Variants in NHS observed in about 807,000 individuals in gnomAD.
NHS encodes actin remodeling regulator NHS.
NHS carries 5 observed loss-of-function variants against 72.5 expected under a neutral mutation model. That is an observed-to-expected ratio of 0.07 (90% CI 0.04 to 0.14). NHS has a LOEUF of 0.14. Among genes scored for constraint, NHS ranks in the 10% least tolerant of loss-of-function variants. NHS has a pLI of 1.00. For synonymous variants in NHS, 464 were observed against 547.7 expected (o/e 0.85, Z 2.13); for missense variants, 1,072 against 1,355.7 (o/e 0.79, Z 3.29).
At chrX:17,545,816 A>T (rs2065290310) in intron 1 of NHS, among the ~76,000 whole-genome samples, 2 of 112,146 alleles carry the variant, frequency 1.8e-5, no homozygotes, top group Admixed American at 1.9e-4. Flanking sequence ...GGAGGAGTGC[A>T]CAAGGTGCTG....
At chrX:17,396,297 ATATT>A (rs1042104135) in intron 1 of NHS, among the ~76,000 whole-genome samples, 3 of 110,991 alleles carry the variant, frequency 2.7e-5, no homozygotes, top group African/African-American at 6.7e-5. Context: ...ACGTTCTGAT[ATATT>A]TATTTATTTA....
intron 1 of NHS, among the ~76,000 whole-genome samples, chrX:17,654,191 T>G (rs1252051994): frequency 8.9e-6 from 1 of 112,163 alleles, no homozygotes; most frequent in East Asian, 2.8e-4. Flanking sequence ...CTTCCCCCCT[T>G]CCATCCTGGT....
rs1362563829 is a variant in NHS, at chrX:17,375,720, T to C, written c.-38T>C. The C allele has an allele frequency of 1.7e-5, 20 of 1,148,428 alleles. No homozygotes were observed. The highest frequency in any genetic ancestry group is 2.3e-5 in the Non-Finnish European group (20 of 868,963). The allele number at this position is 1,148,428 out of a possible 1,213,427, so 94.6% of individuals were successfully genotyped here. A position where few individuals can be genotyped will look rare whatever the true frequency, so the allele number is the denominator to read the frequency against. On this transcript the variant is annotated 5_prime_UTR_variant, in exon 1 of 9. Transcript: ENST00000676302. Reference sequence around the variant, plus strand: ...CCCGGTCTCCAGCTCACAGGGGCGCTTGGAGGAGACCAGAAAGTCGCCGCC... The same window carrying C: ...CCCGGTCTCCAGCTCACAGGGGCGCCTGGAGGAGACCAGAAAGTCGCCGCC...
chrX:17,375,880 G>A lies in NHS; in HGVS notation c.123G>A (p.Pro41=), dbSNP rs1283060397. ...SAEPPPPLQP[P]GRRDLDEVEA... The stretch of plus-strand genomic sequence containing the variant: ...AGCCGCCGCCGCCCTTGCAGCCGCC[G>A]GGCCGGAGGGACCTGGACGAGGTCG... The change falls in exon 1 of 9, where the codon CCG becomes CCA. Residue 41 remains proline (P), a synonymous_variant. Coordinates refer to ENST00000676302, the MANE Select transcript of NHS (RefSeq NM_001291867.2). 1.8e-6 allele frequency: 2 copies of A among 1,108,639 alleles called. No individual in the cohort carries two copies. The highest frequency in any genetic ancestry group is 3.1e-5 in the Admixed American group (1 of 32,027). The allele number at this position is 1,108,639 out of a possible 1,213,427, so 91.4% of individuals were successfully genotyped here. A position where few individuals can be genotyped will look rare whatever the true frequency, so the allele number is the denominator to read the frequency against.
intron 3 of NHS, among the ~76,000 whole-genome samples, chrX:17,701,083 A>G (rs755569029): frequency 8.9e-6 from 1 of 112,284 alleles, no homozygotes; most frequent in East Asian, 2.8e-4. Context: ...TATTCAGTAC[A>G]GTAACATGCC....
In NHS at chrX:17,437,334, T is replaced by A. The variant is rs2064728769; in HGVS notation, c.565+61012T>A. Among the ~76,000 whole-genome samples, 3 of 111,911 alleles carry A rather than the reference T, an allele frequency of 2.7e-5. No homozygotes were observed. In the Admixed American group the frequency reaches 2.8e-4, roughly 11 times the overall value. On this transcript the variant is annotated intron_variant, in intron 1 of 8. Coordinates refer to ENST00000676302, the MANE Select transcript of NHS (RefSeq NM_001291867.2). Reference sequence around the variant, plus strand: ...TAGTCCAAAAGCACCAGGAAAACCTTTCATTGTTTAGAAGAATTAGACGCC... The same window carrying A: ...TAGTCCAAAAGCACCAGGAAAACCTATCATTGTTTAGAAGAATTAGACGCC...
At chrX:17,564,808 T>A (rs1437994007) in intron 1 of NHS, among the ~76,000 whole-genome samples, 1 of 111,414 alleles carries the variant, frequency 9.0e-6, no homozygotes, top group Non-Finnish European at 1.9e-5. Context: ...TCCCCCAAAT[T>A]GTGAATGTGG....
At chrX:17,506,407 G>A (rs1013748932) in intron 1 of NHS, among the ~76,000 whole-genome samples, 1 of 109,993 alleles carries the variant, frequency 9.1e-6, no homozygotes, top group Non-Finnish European at 1.9e-5. Flanking sequence ...GTGGGCTCCT[G>A]TAATCCCAGC....
At chrX:17,656,388 G>C (rs760884716) in intron 1 of NHS, among the ~76,000 whole-genome samples, 1 of 113,195 alleles carries the variant, frequency 8.8e-6, no homozygotes, top group Admixed American at 9.2e-5. Context: ...GACCAGCCTG[G>C]GGGGAGGGGG....
intron 3 of NHS, among the ~76,000 whole-genome samples, chrX:17,709,678 G>T (rs1425554086): frequency 8.9e-6 from 1 of 111,790 alleles, no homozygotes; most frequent in East Asian, 2.8e-4. Context: ...GAAGGAAGGG[G>T]TTGGAGTTAT....
At chrX:17,430,216 G>GCTTC (rs1240436537) in intron 1 of NHS, among the ~76,000 whole-genome samples, 11 of 37,420 alleles carry the variant, frequency 2.9e-4, no homozygotes, top group African/African-American at 8.9e-4. Flanking sequence ...TTCCTTCCTT[G>GCTTC]CTTCCTTCCT....
At chrX:17,510,712 C>T (rs2065083185) in intron 1 of NHS, among the ~76,000 whole-genome samples, 1 of 112,187 alleles carries the variant, frequency 8.9e-6, no homozygotes, top group Non-Finnish European at 1.9e-5. Flanking sequence ...CTGATTCAGA[C>T]ATTGTTACAT....
intron 1 of NHS, among the ~76,000 whole-genome samples, chrX:17,425,568 A>AAAAAAAAAAAAAAAAAAAAG (rs2064651928): frequency 5.2e-5 from 4 of 77,074 alleles, no homozygotes; most frequent in Non-Finnish European, 6.8e-5. Flanking sequence ...AAAAAAAAAA[A>AAAAAAAAAAAAAAAAAAAAG]AAAGAAAGAA....
intron 1 of NHS, among the ~76,000 whole-genome samples, chrX:17,479,738 G>A (rs1182512110): frequency 9.0e-6 from 1 of 111,391 alleles, no homozygotes; most frequent in Non-Finnish European, 1.9e-5. Context: ...CTTTTTGATG[G>A]GGTTGTTTTT....
intron 1 of NHS, among the ~76,000 whole-genome samples, chrX:17,608,853 AT>A (rs1262153933): frequency 1.8e-5 from 2 of 111,972 alleles, no homozygotes; most frequent in African/African-American, 6.5e-5. Flanking sequence ...ATCCTAAAGG[AT>A]TTAACAAATA....
chrX:17,537,700 A>C (rs986091886), intron 1 of NHS, among the ~76,000 whole-genome samples: 12 of 112,107 alleles, frequency 1.1e-4, no homozygotes, highest in Admixed American at 1.9e-4. Context: ...GGTTAGACAA[A>C]GGTCAGCAAA....
intron 1 of NHS, among the ~76,000 whole-genome samples, chrX:17,538,457 G>C (rs1014612965): frequency 8.9e-6 from 1 of 111,801 alleles, no homozygotes; most frequent in Non-Finnish European, 1.9e-5. Context: ...GCTTCGTCCT[G>C]TTGGGGACCT....
intron 1 of NHS, chrX:17,586,108 C>G (rs2065574469): frequency 9.0e-6 from 1 of 111,139 alleles, no homozygotes; most frequent in Non-Finnish European, 1.9e-5. Flanking sequence ...TGCCACCAAC[C>G]AGCTCTGGGG....
At chrX:17,721,939 A>G (rs2066408923) in intron 5 of NHS, among the ~76,000 whole-genome samples, 1 of 112,057 alleles carries the variant, frequency 8.9e-6, no homozygotes, top group Non-Finnish European at 1.9e-5. Context: ...TCATATGATA[A>G]TGATGTGTGG....
Sources: gnomAD v4.1 joint callset for allele counts (sites outside exome capture counted in the v4.1 genomes callset) on GRCh38, gnomAD v4.1.1 for gene constraint, MANE v1.5 for transcripts, NCBI Gene and HGNC (gene_info 2026-07-23, HGNC 2026-07-21) for gene names.